The following SLC25A41 variants were observed in gnomAD, a reference collection of about 807,000 sequenced individuals.
The protein encoded by SLC25A41 is solute carrier family 25 member 41, also known as mitochondrial carrier protein SCaMC-3L.
In SLC25A41, 35 loss-of-function variants were observed where a neutral mutation model predicts 34.7. That is an observed-to-expected ratio of 1.01 (90% confidence interval 0.77 to 1.34). SLC25A41 has a LOEUF of 1.34. Among genes scored for constraint, SLC25A41 ranks in the 40% most tolerant of loss-of-function variants. The pLI, the probability that SLC25A41 is intolerant of heterozygous loss-of-function variation, is 0.00. For missense variants in SLC25A41, 492 were observed against 489.8 expected, an observed-to-expected ratio of 1.00 and a Z score of -0.04; for synonymous variants, 190 against 209.9, an observed-to-expected ratio of 0.91 and a Z score of 0.82.
chr19:6,428,238 G>A (rs2092253104), intron 4 of SLC25A41, among the ~76,000 whole-genome samples: 1 of 151,930 alleles, frequency 6.6e-6, no homozygotes, highest in African/African-American at 2.4e-5. Flanking sequence ...GCAACATGGC[G>A]AAACCCTGTC....
chr19:6,429,157 TATATATAATATATATATA>T lies in SLC25A41; in HGVS notation c.624+549_624+566del. ...ATATATATATATAATATATATATTA[TATATATAATATATATATA>T]ATATATATATGTTATATATATAATA... On this transcript the variant is annotated intron_variant, in intron 4 of 6. Transcript: ENST00000321510. 6.4e-5 allele frequency among the ~76,000 whole-genome samples: 2 copies of T among 31,398 alleles called. 1 individual carries two copies. Among genetic ancestry groups the T allele is most frequent in the Non-Finnish European group, 1.0e-4 (2 of 19,956 alleles). The allele number at this position is 31,398 out of a possible 152,430, so 20.6% of individuals were successfully genotyped here.
chr19:6,430,198 G>A (rs756766614), intron 2 of SLC25A41, 37 bp from the exon 3 acceptor site: 14 of 1,576,672 alleles, frequency 8.9e-6, no homozygotes, highest in South Asian at 3.5e-5. Context: ...GCCCCTGCTC[G>A]CCTCTGTCTC....
intron 2 of SLC25A41, 81 bp downstream of exon 2, chr19:6,431,967 CG>C (rs2145147446): frequency 2.0e-6 from 3 of 1,512,336 alleles, no homozygotes; most frequent in Admixed American, 2.0e-5. Flanking sequence ...ACTCCATCCA[CG>C]TCAACTCCAT....
At chr19:6,429,362 GGAGGAGGGAGAAAGGAAAGGAA>G (rs2092270536) in intron 4 of SLC25A41, among the ~76,000 whole-genome samples, 1 of 92,660 alleles carries the variant, frequency 1.1e-5, no homozygotes. Context: ...GAGGGAGAAA[GGAGGAGGGAGAAAGGAAAGGAA>G]GAGGGGAGGA....
Position 6,430,149 on chromosome 19 carries a change from T to TG in SLC25A41, c.375dup (p.Lys126GlnfsTer37), listed in dbSNP as rs757355163. On this transcript the variant is annotated frameshift_variant, in exon 3 of 7. Coordinates refer to ENST00000321510, the MANE Select transcript of SLC25A41 (RefSeq NM_173637.4). LOFTEE classifies it high-confidence loss of function. ...CCCAGCAGGTTGGTGAAGTTCGTCT[T>TG]GGAGGAGTAGACCTGGGTGGAGGGA... is the stretch of plus-strand genomic sequence containing the variant. 2 of 1,612,368 alleles carry TG rather than the reference T, an allele frequency of 1.2e-6. No individual in the cohort carries two copies. Among genetic ancestry groups the TG allele is most frequent in the South Asian group, 2.2e-5 (2 of 90,834 alleles).
intron 6 of SLC25A41, 42 bp from the exon 7 acceptor site, chr19:6,426,603 C>A (rs2092242825): frequency 6.3e-7 from 1 of 1,593,952 alleles, no homozygotes; most frequent in African/African-American, 1.3e-5. Flanking sequence ...CCAGAGATGA[C>A]CGGGCCTCCT....
chr19:6,429,355 G>GA (rs2145141754), intron 4 of SLC25A41, among the ~76,000 whole-genome samples: 6 of 13,594 alleles, frequency 4.4e-4, no homozygotes, highest in Non-Finnish European at 5.2e-4. Flanking sequence ...GGGAGAGGAG[G>GA]GAGAAAGGAG....
At chr19:6,435,030 C>CT (rs2092302397), upstream of SLC25A41, among the ~76,000 whole-genome samples, 2 of 151,742 alleles carry the variant, frequency 1.3e-5, no homozygotes, top group Admixed American at 6.6e-5. Flanking sequence ...CAAGACCACC[C>CT]TGGGCAACAT....
intron 4 of SLC25A41, among the ~76,000 whole-genome samples, chr19:6,429,427 G>GCAT (rs2092271971): frequency 1.5e-5 from 1 of 64,624 alleles, no homozygotes; most frequent in African/African-American, 6.5e-5. Flanking sequence ...GGAGAAGGGA[G>GCAT]AAAGGAGGAG....
chr19:6,427,704 G>A lies in SLC25A41; in HGVS notation c.625-203C>T, dbSNP rs1370828533. On this transcript the variant is annotated intron_variant, in intron 4 of 6. Transcript: ENST00000321510. This position sits in a 1 kb window ranked among gnomAD's most constrained non-coding sequence, Gnocchi z 4.9. ...GCACAAATGCTGGCAAAGGCCAAGAGAGTGAGGGAAGAAGGCTCACGTCTG... is the reference window on the plus strand; with the variant it reads ...GCACAAATGCTGGCAAAGGCCAAGAAAGTGAGGGAAGAAGGCTCACGTCTG... Among the ~76,000 whole-genome samples, 1 of 152,232 alleles carries A rather than the reference G, an allele frequency of 6.6e-6. No homozygotes were observed. The highest frequency in any genetic ancestry group is 1.5e-5 in the Non-Finnish European group (1 of 68,046).
Position 6,426,320 on chromosome 19 carries a change from CTT to C in SLC25A41, c.*67_*68del. The C allele has an allele frequency of 7.1e-7, 1 of 1,408,150 alleles. No individual in the cohort carries two copies. Among genetic ancestry groups the C allele is most frequent in the East Asian group, 3.3e-5 (1 of 30,740 alleles). 87.2% of individuals were successfully genotyped at this position (1,408,150 alleles called of 1,614,324 possible). Reference sequence around the variant, plus strand: ...CCTGAACCTTGAGGCCTCGAGGGCTCTTTGGGGCCAGGGGTCATCAGGTCCTC... The same window carrying C: ...CCTGAACCTTGAGGCCTCGAGGGCTCTGGGGCCAGGGGTCATCAGGTCCTC... On this transcript the variant is annotated 3_prime_UTR_variant, in exon 7 of 7. Transcript: ENST00000321510.
rs1392604792 is a variant in SLC25A41, at chr19:6,432,059, A to G, written c.353T>C (p.Val118Ala). The change falls in exon 2 of 7, where the codon GTG becomes GCG. Residue 118 changes from valine (V) to alanine (A), a missense_variant. Physicochemically the swap from Val to Ala is moderately conservative, Grantham distance 64. Transcript: ENST00000321510. Reference sequence around the variant, plus strand: ...CCAACCCACACAAACCTGCATGTACACCTTGGCTCTGTCCAGAGGTGCCGT... The same window carrying G: ...CCAACCCACACAAACCTGCATGTACGCCTTGGCTCTGTCCAGAGGTGCCGT... ...TGTAPLDRAKVYMQVYSSKTN... is the reference protein window; with the variant it reads ...TGTAPLDRAKAYMQVYSSKTN... 2 of 1,611,436 alleles carry G rather than the reference A, an allele frequency of 1.2e-6. No individual in the cohort carries two copies. Among genetic ancestry groups the G allele is most frequent in the Admixed American group, 1.7e-5 (1 of 59,706 alleles).
intron 6 of SLC25A41, 32 bp from the exon 7 acceptor site, chr19:6,426,593 C>A: frequency 6.3e-7 from 1 of 1,598,606 alleles, no homozygotes; most frequent in South Asian, 1.1e-5. Flanking sequence ...CAGGACTAGG[C>A]CAGAGATGAC....
At chr19:6,432,021 T>A in intron 2 of SLC25A41, 28 bp downstream of exon 2, 1 of 1,596,144 alleles carries the variant, frequency 6.3e-7, no homozygotes, top group Middle Eastern at 1.7e-4. Flanking sequence ...CAGCGCTGGG[T>A]CCCGTCCTCC....
Position 6,432,243 on chromosome 19 carries a change from G to T in SLC25A41, c.208-39C>A, listed in dbSNP as rs759134575. 1.1e-5 allele frequency: 18 copies of T among 1,595,918 alleles called. No homozygotes were observed. The Middle Eastern group carries it at 2.3e-3, about 207-fold the overall frequency. Reference sequence around the variant, plus strand: ...CCGGCCCTCCCTCATCCTCAGCCAGGTTGGGGCACCTTCCCCAGACACACA... The same window carrying T: ...CCGGCCCTCCCTCATCCTCAGCCAGTTTGGGGCACCTTCCCCAGACACACA... On this transcript the variant is annotated intron_variant, in intron 1 of 6. Transcript: ENST00000321510.
At chr19:6,429,463 A>T in intron 4 of SLC25A41, among the ~76,000 whole-genome samples, 1 of 97,374 alleles carries the variant, frequency 1.0e-5, no homozygotes, top group Non-Finnish European at 2.0e-5. Context: ...AAAGGAGGGG[A>T]GGAGGAGAGG....
rs1463131040 is a variant in SLC25A41, at chr19:6,432,112, A to G, written c.300T>C (p.Ala100=). 5.6e-6 allele frequency: 9 copies of G among 1,613,788 alleles called. No homozygotes were observed. The highest frequency in any genetic ancestry group is 7.6e-6 in the Non-Finnish European group (9 of 1,179,858). The part of the protein sequence containing the change: ...EALWKFLLSG[A]MAGAVSRTGT... ...CCGTGCGAGACACCGCCCCGGCCATAGCTCCTGAGAGTAGAAACTTCCACA... is the reference window on the plus strand; with the variant it reads ...CCGTGCGAGACACCGCCCCGGCCATGGCTCCTGAGAGTAGAAACTTCCACA... Residue 100 remains alanine, a synonymous_variant, in exon 2 of 7, where the codon GCT becomes GCC. Coordinates refer to ENST00000321510, the MANE Select transcript of SLC25A41 (RefSeq NM_173637.4).
chr19:6,435,014 G>A (rs914052323), upstream of SLC25A41, among the ~76,000 whole-genome samples: 1 of 151,958 alleles, frequency 6.6e-6, no homozygotes, highest in African/African-American at 2.4e-5. Context: ...CTTGAGCCCA[G>A]GAGTTCAAGA....
At chr19:6,431,112 G>C (rs529882744) in intron 2 of SLC25A41, among the ~76,000 whole-genome samples, 66 of 151,862 alleles carry the variant, frequency 4.3e-4, no homozygotes, top group African/African-American at 1.5e-3. Flanking sequence ...CACCATGCCC[G>C]ACTCCTTTTT....
Sources: gnomAD v4.1 joint callset for allele counts (sites outside exome capture counted in the v4.1 genomes callset) on GRCh38, gnomAD v4.1.1 for gene constraint, Gnocchi (gnomAD v3.1) non-coding constraint, MANE v1.5 for transcripts, NCBI Gene and HGNC (gene_info 2026-07-23, HGNC 2026-07-21) for gene names.